The following FUT9 variants were observed in gnomAD, a reference collection of about 807,000 sequenced individuals.
FUT9 encodes the protein fucosyltransferase 9.
A neutral mutation model predicts 29.7 loss-of-function variants in FUT9; 15 were observed. The observed-to-expected ratio is 0.51, with a 90% CI of 0.34 to 0.78. The LOEUF is 0.78. Ranked by LOEUF, FUT9 falls within the 30% of genes least tolerant of loss-of-function variation. The pLI is 0.01. For missense variants in FUT9, 319 were observed against 425.4 expected (o/e 0.75, Z 2.20); for synonymous variants, 169 against 153.7 (o/e 1.10, Z -0.74).
At chr6:96,097,288 G>A (rs1045263037) in intron 1 of FUT9, among the ~76,000 whole-genome samples, 13 of 152,336 alleles carry the variant, frequency 8.5e-5, no homozygotes, top group Admixed American at 5.2e-4. Flanking sequence ...AGCAGCAGCG[G>A]TGTGCTGGAG....
chr6:96,199,391 T>C (rs1466934946), intron 2 of FUT9, among the ~76,000 whole-genome samples: 4 of 152,066 alleles, frequency 2.6e-5, no homozygotes, highest in Admixed American at 6.6e-5. Flanking sequence ...ATTTAGTAAC[T>C]GACCCTGACA....
chr6:96,204,343 A>G lies in FUT9; in HGVS notation c.*108A>G, dbSNP rs1036859174. ...TACTTTTGTGTCACAATTTATTTTTATCACCCTCTCTAGGGTAACGTGTAT... is the reference window on the plus strand; with the variant it reads ...TACTTTTGTGTCACAATTTATTTTTGTCACCCTCTCTAGGGTAACGTGTAT... On this transcript the variant is annotated 3_prime_UTR_variant, in exon 3 of 3. Coordinates refer to ENST00000302103, the MANE Select transcript of FUT9 (RefSeq NM_006581.4). 7.9e-6 allele frequency: 6 copies of G among 755,324 alleles called. No homozygotes were observed. The highest frequency in any genetic ancestry group is 1.2e-5 in the Non-Finnish European group (6 of 502,082). 46.8% of individuals were successfully genotyped at this position (755,324 alleles called of 1,614,324 possible).
chr6:96,188,761 G>A (rs1229561654), intron 2 of FUT9, among the ~76,000 whole-genome samples: 1 of 150,656 alleles, frequency 6.6e-6, no homozygotes, highest in Non-Finnish European at 1.5e-5. Flanking sequence ...CATTTTTCCT[G>A]AAAATTAAAT....
chr6:96,020,001 A>C (rs1303442221), intron 1 of FUT9, among the ~76,000 whole-genome samples: 1 of 152,116 alleles, frequency 6.6e-6, no homozygotes, highest in Non-Finnish European at 1.5e-5. Context: ...AAGAAATCTG[A>C]AAATAAAATG....
At chr6:96,039,226 C>A (rs1770413260) in intron 1 of FUT9, among the ~76,000 whole-genome samples, 1 of 151,856 alleles carries the variant, frequency 6.6e-6, no homozygotes, top group Admixed American at 6.6e-5. Flanking sequence ...CACACACACC[C>A]ACACACACAC....
chr6:96,102,872 G>C (rs17778908), intron 1 of FUT9, among the ~76,000 whole-genome samples: 6,149 of 152,202 alleles, frequency 0.04, 174 homozygotes, highest in South Asian at 0.12. Context: ...TTCCTCTCAT[G>C]CATCATGCTA....
At chr6:96,049,184 G>A (rs1311355213) in intron 1 of FUT9, among the ~76,000 whole-genome samples, 5 of 152,186 alleles carry the variant, frequency 3.3e-5, no homozygotes, top group South Asian at 2.1e-4. Flanking sequence ...AAGAAGAGGC[G>A]GACATAGAGT....
chr6:96,088,580 G>A lies in FUT9; in HGVS notation c.-97-25459G>A, dbSNP rs1385986767. The stretch of plus-strand genomic sequence containing the variant: ...TGTGTGTGTGTGTGCGTGCGCGCGC[G>A]TGCTCCATATTGGATAGTTTCTATT... On this transcript the variant is annotated intron_variant, in intron 1 of 2. Transcript: ENST00000302103. 5.3e-5 allele frequency among the ~76,000 whole-genome samples: 8 copies of A among 150,946 alleles called. No homozygotes were observed. The South Asian group carries it at 6.2e-4, about 12-fold the overall frequency.
chr6:96,131,464 A>G (rs1772243502), intron 2 of FUT9, among the ~76,000 whole-genome samples: 1 of 152,168 alleles, frequency 6.6e-6, no homozygotes, highest in Non-Finnish European at 1.5e-5. Context: ...ACACACGAAC[A>G]CACACACCTT....
At chr6:96,188,070 C>T (rs1773436273) in intron 2 of FUT9, among the ~76,000 whole-genome samples, 1 of 152,066 alleles carries the variant, frequency 6.6e-6, no homozygotes, top group Non-Finnish European at 1.5e-5. Flanking sequence ...CCTGATGGCA[C>T]GTGACCACTG....
Position 96,212,872 on chromosome 6 carries a change from G to C in FUT9, c.*8637G>C, listed in dbSNP as rs1014482738. The C allele has an allele frequency of 2.4e-5, 4 of 166,732 alleles. No individual in the cohort carries two copies. In the South Asian group the frequency reaches 6.2e-4, roughly 26 times the overall value. The allele number at this position is 166,732 out of a possible 1,614,324, so 10.3% of individuals were successfully genotyped here. A position where few individuals can be genotyped will look rare whatever the true frequency, so the allele number is the denominator to read the frequency against. On this transcript the variant is annotated 3_prime_UTR_variant, in exon 3 of 3. Transcript: ENST00000302103. ...AAGTGTCAACAAGAAACAAGAAGAG[G>C]AGTAGTAAACTAAGGATCAAAGCCC...
At chr6:96,193,307 A>G (rs1387334218) in intron 2 of FUT9, among the ~76,000 whole-genome samples, 1 of 139,940 alleles carries the variant, frequency 7.1e-6, no homozygotes, top group Non-Finnish European at 1.5e-5. Flanking sequence ...TACTCATCTG[A>G]CAAAGGGCTA....
intron 1 of FUT9, among the ~76,000 whole-genome samples, chr6:96,016,885 TAA>T (rs1440009984): frequency 6.6e-6 from 1 of 152,200 alleles, no homozygotes; most frequent in African/African-American, 2.4e-5. Flanking sequence ...CGTGAAAAAA[TAA>T]AGACAAAAAC....
intron 1 of FUT9, among the ~76,000 whole-genome samples, chr6:96,019,285 T>C (rs1040362825): frequency 2.0e-5 from 3 of 151,954 alleles, no homozygotes; most frequent in African/African-American, 7.2e-5. Context: ...GGCAAGAGGA[T>C]TCAGTCAAGA....
chr6:96,110,198 C>T (rs191400759), intron 1 of FUT9, among the ~76,000 whole-genome samples: 10 of 152,252 alleles, frequency 6.6e-5, no homozygotes, highest in Non-Finnish European at 1.2e-4. Flanking sequence ...CTTGCTAATT[C>T]AGCCTGCCCT....
intron 1 of FUT9, among the ~76,000 whole-genome samples, chr6:96,032,889 C>A (rs959036815): frequency 4.6e-5 from 7 of 151,530 alleles, no homozygotes; most frequent in African/African-American, 1.7e-4. Flanking sequence ...TAATGGCAAC[C>A]TGAGGAGTAG....
intron 1 of FUT9, among the ~76,000 whole-genome samples, chr6:96,075,442 C>T (rs1402839611): frequency 6.6e-6 from 1 of 152,082 alleles, no homozygotes; most frequent in Non-Finnish European, 1.5e-5. Context: ...AAATTTTGTG[C>T]TTCAGAAATG....
intron 2 of FUT9, among the ~76,000 whole-genome samples, chr6:96,180,378 A>T (rs966945898): frequency 3.9e-5 from 6 of 152,066 alleles, no homozygotes; most frequent in African/African-American, 1.4e-4. Context: ...ATGATTTGAA[A>T]CCAGGCATGC....
intron 1 of FUT9, among the ~76,000 whole-genome samples, chr6:96,089,826 T>A (rs532416960): frequency 2.6e-5 from 4 of 152,308 alleles, no homozygotes; most frequent in Admixed American, 2.0e-4. Flanking sequence ...AATACCCATA[T>A]GGCATTGCAT....
Sources: allele counts gnomAD v4.1 joint callset (sites outside exome capture counted in the v4.1 genomes callset), GRCh38; gene constraint gnomAD v4.1.1; transcripts MANE v1.5; gene names NCBI Gene and HGNC (gene_info 2026-07-23, HGNC 2026-07-21).